PDZRN3: variants seen among roughly 807,000 people sequenced by gnomAD.
PDZRN3 encodes the protein E3 ubiquitin-protein ligase PDZRN3.
Under a neutral mutation model 85.7 loss-of-function variants are expected in PDZRN3, and 38 were observed. The observed-to-expected ratio is 0.44, with a 90% CI of 0.34 to 0.58. The LOEUF (loss-of-function observed/expected upper bound fraction) is 0.58. Among genes scored for constraint, PDZRN3 ranks in the 20% least tolerant of loss-of-function variants. PDZRN3 has a pLI of 0.01. For missense variants in PDZRN3, 1,629 were observed against 1,506.4 expected (o/e 1.08, Z -1.35); for synonymous variants, 759 against 638.0 (o/e 1.19, Z -2.86).
chr3:73,575,174 G>C (rs1289042076), intron 3 of PDZRN3, among the ~76,000 whole-genome samples: 1 of 152,180 alleles, frequency 6.6e-6, no homozygotes, highest in Non-Finnish European at 1.5e-5. Flanking sequence ...TGACAAGGAA[G>C]AACAGGGGTT....
At chr3:73,501,640 G>A (rs1243786926) in intron 3 of PDZRN3, among the ~76,000 whole-genome samples, 1 of 152,214 alleles carries the variant, frequency 6.6e-6, no homozygotes, top group Non-Finnish European at 1.5e-5. Flanking sequence ...GGTGTCAAAG[G>A]AAAACCTCGT....
chr3:73,620,766 C>T (rs912459154), intron 1 of PDZRN3, among the ~76,000 whole-genome samples: 5 of 151,948 alleles, frequency 3.3e-5, no homozygotes, highest in African/African-American at 4.8e-5. Context: ...TTAGTAGAGA[C>T]GGGGTTTCAC....
intron 3 of PDZRN3, among the ~76,000 whole-genome samples, chr3:73,504,834 A>G (rs1414143419): frequency 6.6e-6 from 1 of 152,224 alleles, no homozygotes; most frequent in Non-Finnish European, 1.5e-5. Context: ...GTGCATGTAT[A>G]TGATCTAATT....
intron 2 of PDZRN3, among the ~76,000 whole-genome samples, chr3:73,604,551 A>G (rs1450878378): frequency 2.6e-5 from 4 of 152,166 alleles, no homozygotes; most frequent in Non-Finnish European, 5.9e-5. Flanking sequence ...AACTCAAAAC[A>G]CACAGGAATT....
At chr3:73,492,284 G>T (rs1373585495) in intron 3 of PDZRN3, among the ~76,000 whole-genome samples, 1 of 152,124 alleles carries the variant, frequency 6.6e-6, no homozygotes, top group East Asian at 1.9e-4. Flanking sequence ...GGCAGCTGTG[G>T]GCTTGTATCT....
chr3:73,581,144 T>A (rs1702196667), intron 3 of PDZRN3, among the ~76,000 whole-genome samples: 3 of 152,238 alleles, frequency 2.0e-5, no homozygotes, highest in African/African-American at 4.8e-5. Context: ...AACATTCCTT[T>A]TGGAGTTTTC....
At chr3:73,417,647 ACCCT>A (rs1372845492) in intron 3 of PDZRN3, among the ~76,000 whole-genome samples, 1 of 152,108 alleles carries the variant, frequency 6.6e-6, no homozygotes, top group Non-Finnish European at 1.5e-5. Context: ...AGAAAAAGAA[ACCCT>A]CCCTATCAGC....
At chr3:73,578,582 T>C (rs1398023835) in intron 3 of PDZRN3, among the ~76,000 whole-genome samples, 1 of 152,076 alleles carries the variant, frequency 6.6e-6, no homozygotes, top group Non-Finnish European at 1.5e-5. Context: ...AAAGGGAGAA[T>C]GAGTGACAAA....
At chr3:73,551,804 C>T (rs913556106) in intron 3 of PDZRN3, among the ~76,000 whole-genome samples, 1 of 151,894 alleles carries the variant, frequency 6.6e-6, no homozygotes, top group Non-Finnish European at 1.5e-5. Context: ...TTTTGAGATG[C>T]TACCTTCTTG....
intron 3 of PDZRN3, among the ~76,000 whole-genome samples, chr3:73,411,591 G>C (rs539375057): frequency 6.6e-6 from 1 of 152,254 alleles, no homozygotes; most frequent in South Asian, 2.1e-4. Context: ...GCTTTCACTA[G>C]GTCGGGAGTC....
chr3:73,404,299 T>C lies in PDZRN3; in HGVS notation c.1015A>G (p.Thr339Ala). ...EPIVVQVLRR[T>A]PRTKMFTPPS... ...GGCGTGAACATTTTGGTCCTTGGTG[T>C]TCTTCTCAACACCTGCACCACTATG... The change falls in exon 4 of 10, where the codon ACA becomes GCA. Residue 339 changes from threonine to alanine, a missense_variant. Physicochemically the swap from Thr to Ala is moderately conservative, Grantham distance 58. Transcript: ENST00000263666. The C allele has an allele frequency of 6.2e-7, 1 of 1,614,208 alleles. No individual in the cohort carries two copies. Among genetic ancestry groups the C allele is most frequent in the Non-Finnish European group, 8.5e-7 (1 of 1,180,032 alleles).
chr3:73,428,271 C>T (rs531814844), intron 3 of PDZRN3, among the ~76,000 whole-genome samples: 1 of 152,302 alleles, frequency 6.6e-6, no homozygotes, highest in East Asian at 1.9e-4. Flanking sequence ...AACGTGTTGG[C>T]TGAATGAATG....
In PDZRN3 at chr3:73,457,373, G is replaced by A. The variant is rs61584723; in HGVS notation, c.919-52978C>T. On this transcript the variant is annotated intron_variant, in intron 3 of 9. Transcript: ENST00000263666. ...CAGGTATGAGCCACCGTGCCCGGCC[G>A]TACCTTAGCTCATATTAAGAGCACC... Among the ~76,000 whole-genome samples, 471 of 151,960 alleles carry A rather than the reference G, an allele frequency of 3.1e-3. 2 individuals are homozygous for A. Among genetic ancestry groups the A allele is most frequent in the African/African-American group, 0.011 (440 of 41,464 alleles).
chr3:73,559,760 G>T (rs1399293009), intron 3 of PDZRN3, among the ~76,000 whole-genome samples: 1 of 152,216 alleles, frequency 6.6e-6, no homozygotes, highest in Non-Finnish European at 1.5e-5. Context: ...AGGATGGATG[G>T]TGGTGTCTGA....
intron 3 of PDZRN3, among the ~76,000 whole-genome samples, chr3:73,412,365 T>C (rs1701991227): frequency 6.6e-6 from 1 of 152,220 alleles, no homozygotes; most frequent in African/African-American, 2.4e-5. Context: ...CAATAAAATT[T>C]CTACTCTCAA....
intron 3 of PDZRN3, among the ~76,000 whole-genome samples, chr3:73,414,721 T>G (rs935749206): frequency 6.6e-6 from 1 of 152,250 alleles, no homozygotes; most frequent in South Asian, 2.1e-4. Context: ...ATTTTTTCTT[T>G]TGTTTTCCTA....
At chr3:73,385,300 T>C (rs966345700) in intron 9 of PDZRN3, among the ~76,000 whole-genome samples, 2 of 152,206 alleles carry the variant, frequency 1.3e-5, no homozygotes, top group African/African-American at 4.8e-5. Flanking sequence ...CTGACAATGG[T>C]AGTAGCATAG....
intron 3 of PDZRN3, among the ~76,000 whole-genome samples, chr3:73,567,536 T>C (rs551741098): frequency 6.6e-6 from 1 of 152,200 alleles, no homozygotes; most frequent in South Asian, 2.1e-4. Context: ...GAACAAGCAT[T>C]GGAATTCCTT....
At chr3:73,556,215 G>A (rs910085529) in intron 3 of PDZRN3, among the ~76,000 whole-genome samples, 3 of 151,988 alleles carry the variant, frequency 2.0e-5, no homozygotes, top group Non-Finnish European at 2.9e-5. Context: ...ATCTATGAAA[G>A]TTTTTCATTT....
Sources: allele counts gnomAD v4.1 joint callset (sites outside exome capture counted in the v4.1 genomes callset), GRCh38; gene constraint gnomAD v4.1.1; transcripts MANE v1.5; gene names NCBI Gene and HGNC (gene_info 2026-07-23, HGNC 2026-07-21).